Variants in CDH11 observed in about 807,000 individuals in gnomAD.
CDH11 encodes the protein cadherin-11.
A neutral mutation model predicts 67.8 loss-of-function variants in CDH11; 11 were observed. That is an observed-to-expected ratio of 0.16 (90% CI 0.10 to 0.27). The LOEUF is 0.27. CDH11 is among the 10% of genes least tolerant of loss of function. The pLI is 1.00. For synonymous variants in CDH11, 419 were observed against 400.0 expected, an observed-to-expected ratio of 1.05 and a Z score of -0.57; for missense variants, 847 against 1,031.2, an observed-to-expected ratio of 0.82 and a Z score of 2.45.
chr16:65,037,317 G>A (rs572533994), intron 2 of CDH11, among the ~76,000 whole-genome samples: 3 of 152,268 alleles, frequency 2.0e-5, no homozygotes, highest in South Asian at 4.1e-4. Context: ...AGAGGACAGA[G>A]TGTTAGGAAG....
At chr16:65,001,117 G>C (rs35188) in intron 3 of CDH11, among the ~76,000 whole-genome samples, 18 of 151,992 alleles carry the variant, frequency 1.2e-4, no homozygotes, top group African/African-American at 4.3e-4. Flanking sequence ...GATTTGCAGC[G>C]CTTCAGTGAA....
Position 64,986,048 on chromosome 16 carries a change from A to G in CDH11, c.999+2109T>C, listed in dbSNP as rs547633361. 5 of 152,260 alleles carry G rather than the reference A, an allele frequency of 3.3e-5. No homozygotes were observed. The South Asian group carries it at 1.0e-3, about 32-fold the overall frequency. 9.4% of individuals were successfully genotyped at this position (152,260 alleles called of 1,614,324 possible). ...TGGGTGAATAAATTAGGAAATAAATAAAAACACTAAGTTAAAAAATACTTT... is the reference window on the plus strand; with the variant it reads ...TGGGTGAATAAATTAGGAAATAAATGAAAACACTAAGTTAAAAAATACTTT... On this transcript the variant is annotated intron_variant, in intron 7 of 12. Transcript: ENST00000268603.
intron 11 of CDH11, among the ~76,000 whole-genome samples, chr16:64,955,779 G>A (rs547103875): frequency 2.0e-4 from 30 of 152,162 alleles, no homozygotes; most frequent in Non-Finnish European, 3.8e-4. Flanking sequence ...ACTATGGTCA[G>A]GAACTTCATG....
At chr16:65,113,798 A>AGAATGC (rs1056198250) in intron 1 of CDH11, among the ~76,000 whole-genome samples, 1 of 152,158 alleles carries the variant, frequency 6.6e-6, no homozygotes, top group Non-Finnish European at 1.5e-5. Flanking sequence ...GTGGAACACT[A>AGAATGC]GAATGCGTGA....
chr16:64,969,809 T>C (rs1056581758), intron 11 of CDH11, among the ~76,000 whole-genome samples: 2 of 152,136 alleles, frequency 1.3e-5, no homozygotes, highest in Non-Finnish European at 2.9e-5. Context: ...ACTATGTGCC[T>C]GAGTTTCCTT....
At chr16:64,994,290 T>C (rs1364552938) in intron 4 of CDH11, among the ~76,000 whole-genome samples, 1 of 152,224 alleles carries the variant, frequency 6.6e-6, no homozygotes, top group Non-Finnish European at 1.5e-5. Flanking sequence ...CATCATGGTG[T>C]GGCTAGGGAA....
At chr16:64,964,308 T>C (rs1406740359) in intron 11 of CDH11, among the ~76,000 whole-genome samples, 2 of 152,168 alleles carry the variant, frequency 1.3e-5, no homozygotes, top group African/African-American at 2.4e-5. Context: ...TACAATCCTA[T>C]ACAGTATGTT....
At chr16:65,038,518 T>G (rs1286699755) in intron 2 of CDH11, among the ~76,000 whole-genome samples, 1 of 152,150 alleles carries the variant, frequency 6.6e-6, no homozygotes, top group Non-Finnish European at 1.5e-5. Context: ...ACAATAGAAA[T>G]GTGTATCTAC....
chr16:65,010,666 C>T (rs2073157522), intron 2 of CDH11, among the ~76,000 whole-genome samples: 1 of 152,008 alleles, frequency 6.6e-6, no homozygotes, highest in South Asian at 2.1e-4. Flanking sequence ...CAGCGCTCTG[C>T]AAAGGTGAGT....
intron 12 of CDH11, chr16:64,948,695 CT>C: frequency 6.2e-7 from 1 of 1,606,882 alleles, no homozygotes; most frequent in South Asian, 1.1e-5. Context: ...CTTCTGTTTA[CT>C]TTAACATAGG....
chr16:65,060,200 G>A (rs2074213469), intron 1 of CDH11, among the ~76,000 whole-genome samples: 1 of 152,146 alleles, frequency 6.6e-6, no homozygotes, highest in Non-Finnish European at 1.5e-5. Context: ...TAGTGGCAGA[G>A]TGGGAATTCC....
chr16:65,078,986 T>C (rs977146743), intron 1 of CDH11, among the ~76,000 whole-genome samples: 1 of 152,230 alleles, frequency 6.6e-6, no homozygotes, highest in African/African-American at 2.4e-5. Flanking sequence ...CGGCCTAATA[T>C]GCCTGTGTTG....
At chr16:64,997,971 C>T (rs987800235) in intron 4 of CDH11, among the ~76,000 whole-genome samples, 5 of 152,128 alleles carry the variant, frequency 3.3e-5, no homozygotes, top group African/African-American at 1.2e-4. Flanking sequence ...TCATTATGTG[C>T]ATGTTATAAA....
intron 2 of CDH11, among the ~76,000 whole-genome samples, chr16:65,035,461 G>C (rs1051974914): frequency 6.6e-6 from 1 of 152,218 alleles, no homozygotes; most frequent in Non-Finnish European, 1.5e-5. Flanking sequence ...ACCCACAGCA[G>C]TGCCCCTGCT....
At position 64,971,961 on chromosome 16, in the gene CDH11, C is replaced by G. The variant is rs1454519834; in HGVS notation, c.1494G>C (p.Glu498Asp). ...TGGAAAGTGGCTTGGTCTGATCACT[C>G]TCACAGATGAAACCTTCATAAGGGG... ...FAAPYEGFIC[E>D]SDQTKPLSNQ... Residue 498 changes from glutamate to aspartate, a missense_variant, in exon 10 of 13, where the codon GAG (glutamate) becomes GAC (aspartate). Physicochemically the swap from Glu to Asp is conservative, Grantham distance 45. Transcript: ENST00000268603. The G allele has an allele frequency of 6.2e-7, 1 of 1,614,042 alleles. No individual in the cohort carries two copies. The highest frequency in any genetic ancestry group is 8.5e-7 in the Non-Finnish European group (1 of 1,179,946).
intron 1 of CDH11, among the ~76,000 whole-genome samples, chr16:65,077,389 G>C (rs561535309): frequency 1.3e-5 from 2 of 152,274 alleles, no homozygotes; most frequent in African/African-American, 4.8e-5. Flanking sequence ...TCACAGCTGC[G>C]TAAAAACAAA....
intron 2 of CDH11, chr16:65,007,261 C>G (rs1259584666): frequency 3.3e-5 from 5 of 152,128 alleles, no homozygotes; most frequent in Non-Finnish European, 7.3e-5. Context: ...GCAGTTAAAG[C>G]CTGGTGACTG....
At chr16:65,051,017 A>T (rs1046607411) in intron 2 of CDH11, among the ~76,000 whole-genome samples, 4 of 152,176 alleles carry the variant, frequency 2.6e-5, no homozygotes, top group Admixed American at 2.0e-4. Flanking sequence ...ATTCACAGAC[A>T]TATCCACAGG....
At chr16:65,021,982 G>GA (rs1413147888) in intron 2 of CDH11, among the ~76,000 whole-genome samples, 1 of 151,696 alleles carries the variant, frequency 6.6e-6, no homozygotes, top group African/African-American at 2.4e-5. Context: ...AGTCAAACAG[G>GA]AAAAAACTCA....
Sources: allele counts gnomAD v4.1 joint callset (sites outside exome capture counted in the v4.1 genomes callset), GRCh38; gene constraint gnomAD v4.1.1; transcripts MANE v1.5; gene names NCBI Gene and HGNC (gene_info 2026-07-23, HGNC 2026-07-21).